CRTC1: variants seen among roughly 807,000 people sequenced by gnomAD.
CRTC1 encodes the protein CREB regulated transcription coactivator 1, also known as CREB-regulated transcription coactivator 1.
Under a neutral mutation model 66.1 loss-of-function variants are expected in CRTC1, and 18 were observed. That is an observed-to-expected ratio of 0.27 (90% confidence interval 0.19 to 0.40). CRTC1 has a LOEUF of 0.40. Ranked by LOEUF, CRTC1 falls within the 10% of genes least tolerant of loss-of-function variation. The probability of loss-of-function intolerance (pLI) is 1.00; values close to 1 mark genes in which losing one functional copy is unlikely to be tolerated. For synonymous variants in CRTC1, 416 were observed against 398.8 expected, an observed-to-expected ratio of 1.04 and a Z score of -0.51; for missense variants, 669 against 887.9, an observed-to-expected ratio of 0.75 and a Z score of 3.13.
rs2052626133 is a variant in CRTC1, at chr19:18,684,010, G to C, written c.126+182G>C. Among the ~76,000 whole-genome samples the C allele has an allele frequency of 2.6e-5, 4 of 151,148 alleles. No individual in the cohort carries two copies. The South Asian group carries it at 8.3e-4, about 31-fold the overall frequency. On this transcript the variant is annotated intron_variant, in intron 1 of 13. Coordinates refer to ENST00000321949, the MANE Select transcript of CRTC1 (RefSeq NM_015321.3). ...CCCCACGCCCCGGGCGTCGTGGGCG[G>C]GACAGGTGACCCCACAAAATCCATA...
intron 9 of CRTC1, among the ~76,000 whole-genome samples, chr19:18,766,069 G>A (rs926871741): frequency 7.3e-5 from 11 of 150,506 alleles, no homozygotes; most frequent in South Asian, 2.1e-4. Context: ...TGTCCATTTC[G>A]TCTTTGCTAT....
intron 1 of CRTC1, among the ~76,000 whole-genome samples, chr19:18,730,465 GC>G (rs531477110): frequency 1.8e-4 from 27 of 152,088 alleles, no homozygotes; most frequent in Non-Finnish European, 3.4e-4. Context: ...GTGTACTGGG[GC>G]CCCCCTACGC....
At chr19:18,775,480 C>T (rs1018179842) in intron 12 of CRTC1, among the ~76,000 whole-genome samples, 161 bp from the exon 13 acceptor site, 2 of 152,134 alleles carry the variant, frequency 1.3e-5, no homozygotes, top group African/African-American at 2.4e-5. Context: ...CCCCAGGTGG[C>T]GGGTGGAGTG....
At chr19:18,756,984 A>C (rs2054502671) in intron 6 of CRTC1, among the ~76,000 whole-genome samples, 1 of 152,226 alleles carries the variant, frequency 6.6e-6, no homozygotes, top group Non-Finnish European at 1.5e-5. Flanking sequence ...CGTTCTCCAC[A>C]GAGGCTTAAC....
intron 2 of CRTC1, among the ~76,000 whole-genome samples, chr19:18,743,903 C>T (rs2054169578): frequency 6.6e-6 from 1 of 152,188 alleles, no homozygotes; most frequent in South Asian, 2.1e-4. Flanking sequence ...CTCTCCCTTT[C>T]CTGTTTCTCC....
In CRTC1 at chr19:18,775,654, A is replaced by G. The variant is rs779008615; in HGVS notation, c.1526A>G (p.Asn509Ser). 3.1e-6 allele frequency: 5 copies of G among 1,600,774 alleles called. No individual in the cohort carries two copies. The highest frequency in any genetic ancestry group is 2.2e-5 in the East Asian group (1 of 44,668). ...NALSHQLEQF[N>S]MMENAISSSS... The stretch of plus-strand genomic sequence containing the variant: ...CTCCCTTCCCAGCTGGAGCAGTTCA[A>G]CATGATGGAGAACGCCATCAGCTCC... Residue 509 changes from asparagine to serine, a missense_variant, in exon 13 of 14, where the codon AAC becomes AGC. Physicochemically the swap from Asn to Ser is conservative, Grantham distance 46. Transcript: ENST00000321949.
chr19:18,698,561 C>G (rs1269891933), intron 1 of CRTC1, among the ~76,000 whole-genome samples: 1 of 151,878 alleles, frequency 6.6e-6, no homozygotes, highest in Non-Finnish European at 1.5e-5. Context: ...AGCAGGTGCA[C>G]AGTGTGTACT....
At chr19:18,720,974 A>C (rs2053614016) in intron 1 of CRTC1, among the ~76,000 whole-genome samples, 2 of 152,048 alleles carry the variant, frequency 1.3e-5, no homozygotes, top group South Asian at 4.1e-4. Flanking sequence ...AAACAATAGA[A>C]ATGTATTCAG....
intron 7 of CRTC1, 52 bp from the exon 8 acceptor site, chr19:18,759,956 G>GCCAGCCCCCTGCCCCCGCCA: frequency 8.2e-7 from 1 of 1,221,322 alleles, no homozygotes; most frequent in Non-Finnish European, 1.2e-6. Flanking sequence ...TGTCCCCGCC[G>GCCAGCCCCCTGCCCCCGCCA]CCAGCCCCGC....
chr19:18,703,236 T>C (rs1297069071), intron 1 of CRTC1, among the ~76,000 whole-genome samples: 2 of 152,082 alleles, frequency 1.3e-5, no homozygotes, highest in Non-Finnish European at 2.9e-5. Context: ...GGTTTCACTG[T>C]GTTAGCCAGG....
At position 18,768,945 on chromosome 19, in the gene CRTC1, C is replaced by T. The variant is rs1326834899; in HGVS notation, c.1320+152C>T. ...GGCCCACCTCTCCACGGGGCTACCC[C>T]TTGGAATCAAACTGAGACTGTCACT... is the stretch of plus-strand genomic sequence containing the variant. On this transcript the variant is annotated intron_variant, in intron 10 of 13. Transcript: ENST00000321949. This position sits in a 1 kb window ranked among gnomAD's most constrained non-coding sequence, Gnocchi z 5.6. 7.9e-6 allele frequency: 8 copies of T among 1,008,364 alleles called. 1 individual carries two copies. Among genetic ancestry groups the T allele is most frequent in the South Asian group, 3.5e-5 (2 of 57,180 alleles). The allele number at this position is 1,008,364 out of a possible 1,614,324, so 62.5% of individuals were successfully genotyped here.
Position 18,771,513 on chromosome 19 carries a change from C to A in CRTC1, c.1392C>A (p.Ser464=). Residue 464 remains serine, a synonymous_variant, in exon 11 of 14, where the codon TCC becomes TCA. Transcript: ENST00000321949. This position sits in a 1 kb window ranked among gnomAD's most constrained non-coding sequence, Gnocchi z 4.6. ...PANQSPTSPV[S]NQGFSPGSSP... Reference sequence around the variant, plus strand: ...ACCAGTCTCCCACCTCGCCAGTCTCCAATCAAGGCTTCTCCCCAGGGAGCT... The same window carrying A: ...ACCAGTCTCCCACCTCGCCAGTCTCAAATCAAGGCTTCTCCCCAGGGAGCT... 3 of 1,613,624 alleles carry A rather than the reference C, an allele frequency of 1.9e-6. No individual in the cohort carries two copies. The highest frequency in any genetic ancestry group is 2.5e-6 in the Non-Finnish European group (3 of 1,179,774).
rs1455717791 is a variant in CRTC1 at position 18,775,799 on chromosome 19, C to G, written c.1671C>G (p.Gly557=). Reference sequence around the variant, plus strand: ...AACTGGGATACGCCAGCCACAGTGGCATCCCCAACATCATCCTCACAGGTG... The same window carrying G: ...AACTGGGATACGCCAGCCACAGTGGGATCCCCAACATCATCCTCACAGGTG... ...SQQLGYASHS[G]IPNIILTVTG... Residue 557 remains glycine, a synonymous_variant, in exon 13 of 14, where the codon GGC becomes GGG. Coordinates refer to ENST00000321949, the MANE Select transcript of CRTC1 (RefSeq NM_015321.3). 8 of 1,605,530 alleles carry G rather than the reference C, an allele frequency of 5.0e-6. No individual in the cohort carries two copies. The highest frequency in any genetic ancestry group is 6.8e-6 in the Non-Finnish European group (8 of 1,176,180).
rs546117293 is a variant in CRTC1 at position 18,761,417 on chromosome 19, G to A, written c.886+1189G>A. On this transcript the variant is annotated intron_variant, in intron 8 of 13. Coordinates refer to ENST00000321949, the MANE Select transcript of CRTC1 (RefSeq NM_015321.3). ...TGTGGGGGATGCACTGGGGGTGGGGGTGACAGACGCCACCTTGCTGTGCTC... is the reference window on the plus strand; with the variant it reads ...TGTGGGGGATGCACTGGGGGTGGGGATGACAGACGCCACCTTGCTGTGCTC... Among the ~76,000 whole-genome samples the A allele has an allele frequency of 2.1e-3, 313 of 152,266 alleles. 3 individuals carry two copies. Among genetic ancestry groups the A allele is most frequent in the African/African-American group, 6.8e-3 (284 of 41,550 alleles).
At chr19:18,759,615 C>G (rs781349008) in intron 7 of CRTC1, 24 bp downstream of exon 7, 3 of 1,611,480 alleles carry the variant, frequency 1.9e-6, no homozygotes, top group South Asian at 1.1e-5. Context: ...GGGCCCACCC[C>G]GCACACTGCA....
chr19:18,691,522 C>CAAA (rs60633222), intron 1 of CRTC1, among the ~76,000 whole-genome samples: 4 of 72,642 alleles, frequency 5.5e-5, no homozygotes, highest in Admixed American at 1.8e-4. Context: ...CCCTTTTCTC[C>CAAA]AAAAAAAAAA....
intron 1 of CRTC1, among the ~76,000 whole-genome samples, chr19:18,713,475 C>T (rs963890228): frequency 2.0e-5 from 3 of 148,164 alleles, no homozygotes; most frequent in East Asian, 4.1e-4. Context: ...GCTGTCTTCC[C>T]GGAGTAGACC....
intron 1 of CRTC1, among the ~76,000 whole-genome samples, chr19:18,687,159 G>A (rs1250902825): frequency 6.6e-6 from 1 of 152,024 alleles, no homozygotes; most frequent in Non-Finnish European, 1.5e-5. Context: ...GGGATTACAG[G>A]CATCTGCTAC....
intron 8 of CRTC1, among the ~76,000 whole-genome samples, chr19:18,763,004 G>T (rs1043935628): frequency 6.6e-6 from 1 of 152,232 alleles, no homozygotes; most frequent in African/African-American, 2.4e-5. Flanking sequence ...ATCGGCAGTG[G>T]CCCCATCAGA....
Sources: gnomAD v4.1 joint callset for allele counts (sites outside exome capture counted in the v4.1 genomes callset) on GRCh38, gnomAD v4.1.1 for gene constraint, Gnocchi (gnomAD v3.1) non-coding constraint, MANE v1.5 for transcripts, NCBI Gene and HGNC (gene_info 2026-07-23, HGNC 2026-07-21) for gene names.